CNTN4: variants seen among roughly 807,000 people sequenced by gnomAD.
CNTN4 encodes the protein contactin 4.
Under a neutral mutation model 122.5 loss-of-function variants are expected in CNTN4, and 77 were observed. The observed-to-expected ratio is 0.63, with a 90% CI of 0.52 to 0.76. CNTN4 has a LOEUF of 0.76. Ranked by LOEUF, CNTN4 falls within the 30% of genes least tolerant of loss-of-function variation. The probability of loss-of-function intolerance (pLI) is 0.00; values close to 1 mark genes in which losing one functional copy is unlikely to be tolerated. For synonymous variants in CNTN4, 512 were observed against 447.0 expected, an observed-to-expected ratio of 1.15 and a Z score of -1.83; for missense variants, 1,256 against 1,259.1, an observed-to-expected ratio of 1.00 and a Z score of 0.04.
chr3:2,156,717 G>C (rs1181766985), intron 2 of CNTN4, among the ~76,000 whole-genome samples: 1 of 152,164 alleles, frequency 6.6e-6, no homozygotes, highest in African/African-American at 2.4e-5. Flanking sequence ...TTAACTCTGG[G>C]CAGAGTTAGG....
At chr3:2,303,097 A>T (rs1387432039) in intron 2 of CNTN4, among the ~76,000 whole-genome samples, 1 of 152,216 alleles carries the variant, frequency 6.6e-6, no homozygotes, top group Admixed American at 6.5e-5. Context: ...ATCTGTTTTC[A>T]GATAAGGTGC....
chr3:2,881,966 A>G (rs1467561655), intron 8 of CNTN4, among the ~76,000 whole-genome samples: 27 of 152,254 alleles, frequency 1.8e-4, no homozygotes, highest in Admixed American at 1.8e-3. Flanking sequence ...TTATGGGCAC[A>G]GTTGAATCAA....
intron 4 of CNTN4, among the ~76,000 whole-genome samples, chr3:2,663,978 C>T (rs2084028400): frequency 6.6e-6 from 1 of 151,854 alleles, no homozygotes; most frequent in African/African-American, 2.4e-5. Context: ...TAGTTGTTTT[C>T]TGGGGCATTG....
intron 2 of CNTN4, among the ~76,000 whole-genome samples, chr3:2,237,390 G>C (rs140443893): frequency 2.0e-5 from 3 of 152,076 alleles, no homozygotes; most frequent in African/African-American, 7.2e-5. Context: ...CAGTAGGATC[G>C]CTTGAGGCCA....
chr3:2,884,145 C>G (rs1485568346), intron 9 of CNTN4, among the ~76,000 whole-genome samples: 2 of 151,908 alleles, frequency 1.3e-5, no homozygotes. Flanking sequence ...GCGTATGTTG[C>G]CCAGGCTAGT....
At position 2,469,378 on chromosome 3, in the gene CNTN4, C is replaced by G. The variant is rs534566404; in HGVS notation, c.-88-102038C>G. 6.6e-5 allele frequency among the ~76,000 whole-genome samples: 10 copies of G among 152,324 alleles called. No homozygotes were observed. The East Asian group carries it at 1.9e-3, about 29-fold the overall frequency. ...AACCTGCAACTGATCATTTGATTTTCTAGCAGGTGCTCATTCTGTCCCATG... is the reference window on the plus strand; with the variant it reads ...AACCTGCAACTGATCATTTGATTTTGTAGCAGGTGCTCATTCTGTCCCATG... On this transcript the variant is annotated intron_variant, in intron 3 of 24. Coordinates refer to ENST00000418658, the MANE Select transcript of CNTN4 (RefSeq NM_175607.3).
intron 3 of CNTN4, among the ~76,000 whole-genome samples, chr3:2,549,619 TTTCACATCGGTG>T (rs1168310017): frequency 6.6e-6 from 1 of 152,156 alleles, no homozygotes; most frequent in Admixed American, 6.6e-5. Flanking sequence ...TATTGAGGAT[TTTCACATCGGTG>T]TTCAGCAGGG....
intron 2 of CNTN4, among the ~76,000 whole-genome samples, chr3:2,312,495 C>T (rs982850263): frequency 6.6e-6 from 1 of 151,954 alleles, no homozygotes; most frequent in Non-Finnish European, 1.5e-5. Flanking sequence ...CAGTTTGTTA[C>T]AAAGATCTAT....
intron 2 of CNTN4, among the ~76,000 whole-genome samples, chr3:2,317,374 G>A (rs2043140630): frequency 6.6e-6 from 1 of 152,132 alleles, no homozygotes; most frequent in Non-Finnish European, 1.5e-5. Flanking sequence ...AGCGGGCAGA[G>A]GATTCATCAA....
chr3:2,538,504 T>C (rs1228093995), intron 3 of CNTN4, among the ~76,000 whole-genome samples: 1 of 152,108 alleles, frequency 6.6e-6, no homozygotes, highest in African/African-American at 2.4e-5. Context: ...ATATAGTTAT[T>C]TCCCAAATTA....
Position 2,368,613 on chromosome 3 carries a change from A to T in CNTN4, c.-89+29380A>T, listed in dbSNP as rs1440301820. Among the ~76,000 whole-genome samples, 3 of 152,096 alleles carry T rather than the reference A, an allele frequency of 2.0e-5. No homozygotes were observed. The East Asian group carries it at 5.8e-4, about 29-fold the overall frequency. On this transcript the variant is annotated intron_variant, in intron 3 of 24. Transcript: ENST00000418658. ...TCAGATCTGTGAATACCTATTAGGG[A>T]TGGTATTTGAGATAAAAATATGAAT...
At chr3:2,592,323 G>A (rs2080535466) in intron 4 of CNTN4, among the ~76,000 whole-genome samples, 1 of 152,182 alleles carries the variant, frequency 6.6e-6, no homozygotes, top group African/African-American at 2.4e-5. Context: ...TTATATCATT[G>A]CAAATAAGGA....
At chr3:3,006,284 C>T (rs1328776825) in intron 14 of CNTN4, among the ~76,000 whole-genome samples, 4 of 152,188 alleles carry the variant, frequency 2.6e-5, no homozygotes, top group Non-Finnish European at 4.4e-5. Context: ...ACGATCAGAA[C>T]ACTCACGTAT....
intron 4 of CNTN4, among the ~76,000 whole-genome samples, chr3:2,673,487 C>G (rs2084657732): frequency 6.6e-6 from 1 of 152,114 alleles, no homozygotes. Context: ...GGGCTTGTGA[C>G]CTGCTTTGAT....
intron 2 of CNTN4, among the ~76,000 whole-genome samples, chr3:2,195,603 A>C (rs1210653824): frequency 1.3e-5 from 2 of 152,226 alleles, no homozygotes; most frequent in Non-Finnish European, 2.9e-5. Flanking sequence ...ATGTGTTTCT[A>C]AGTTTGGTTA....
intron 3 of CNTN4, among the ~76,000 whole-genome samples, chr3:2,561,606 T>G (rs2078959154): frequency 6.6e-6 from 1 of 152,078 alleles, no homozygotes; most frequent in Non-Finnish European, 1.5e-5. Context: ...CGACTCAAAC[T>G]TTTTCTAGCA....
At chr3:2,911,316 A>G (rs973111731) in intron 12 of CNTN4, among the ~76,000 whole-genome samples, 4 of 152,222 alleles carry the variant, frequency 2.6e-5, no homozygotes, top group Non-Finnish European at 5.9e-5. Flanking sequence ...ACAGTACCTG[A>G]TAAAGACACC....
intron 4 of CNTN4, among the ~76,000 whole-genome samples, chr3:2,645,276 T>C (rs1008696310): frequency 6.6e-6 from 1 of 152,166 alleles, no homozygotes; most frequent in African/African-American, 2.4e-5. Flanking sequence ...TAATACCTTA[T>C]TGTACATCAG....
chr3:2,174,372 G>A (rs954756509), intron 2 of CNTN4, among the ~76,000 whole-genome samples: 4 of 152,116 alleles, frequency 2.6e-5, no homozygotes, highest in African/African-American at 9.7e-5. Context: ...TGGCTTATAA[G>A]CAACAGACAT....
Sources: gnomAD v4.1 joint callset for allele counts (sites outside exome capture counted in the v4.1 genomes callset) on GRCh38, gnomAD v4.1.1 for gene constraint, MANE v1.5 for transcripts, NCBI Gene and HGNC (gene_info 2026-07-23, HGNC 2026-07-21) for gene names.